Variants in DPF3 observed in about 807,000 individuals in gnomAD.
DPF3 encodes double PHD fingers 3, also known as zinc finger protein DPF3.
DPF3 carries 18 observed loss-of-function variants against 56.8 expected under a neutral mutation model. The observed-to-expected ratio is 0.32, with a 90% confidence interval of 0.22 to 0.47. The LOEUF (loss-of-function observed/expected upper bound fraction) is 0.47, where lower values mean the gene tolerates loss of function less well. Among genes scored for constraint, DPF3 ranks in the 20% least tolerant of loss-of-function variants. The pLI is 1.00. For missense variants in DPF3, 403 were observed against 488.8 expected (o/e 0.82, Z 1.65); for synonymous variants, 188 against 180.2 (o/e 1.04, Z -0.35).
At chr14:72,784,644 C>T (rs1483264968) in intron 1 of DPF3, among the ~76,000 whole-genome samples, 2 of 152,164 alleles carry the variant, frequency 1.3e-5, no homozygotes, top group African/African-American at 4.8e-5. Flanking sequence ...GCAAAGCGGT[C>T]AGCCTAAGTC....
intron 1 of DPF3, chr14:72,773,801 C>T (rs12433339): frequency 0.14 from 62,828 of 454,292 alleles, 5,284 homozygotes; most frequent in Middle Eastern, 0.24. Context: ...TCAGAATTTC[C>T]TTCCTTTTTA....
Position 72,866,762 on chromosome 14 carries a change from A to G in DPF3, c.32+27295T>C, listed in dbSNP as rs548884660. The stretch of plus-strand genomic sequence containing the variant: ...TCCCAGCTACTCGGGAGGCTGAGAC[A>G]GGAGAATCGCTTGAACCCAGGAGGT... On this transcript the variant is annotated intron_variant, in intron 1 of 10. Transcript: ENST00000556509. Among the ~76,000 whole-genome samples the G allele has an allele frequency of 1.3e-5, 2 of 150,768 alleles. 1 individual carries two copies. The highest frequency in any genetic ancestry group is 4.9e-5 in the African/African-American group (2 of 41,136).
intron 6 of DPF3, among the ~76,000 whole-genome samples, chr14:72,698,560 A>G (rs1429531075): frequency 2.0e-5 from 3 of 152,154 alleles, no homozygotes; most frequent in South Asian, 4.1e-4. Context: ...GGTGGTGCGC[A>G]CCTATAGTCC....
intron 1 of DPF3, among the ~76,000 whole-genome samples, chr14:72,801,392 C>T (rs1184587686): frequency 6.6e-6 from 1 of 152,220 alleles, no homozygotes; most frequent in African/African-American, 2.4e-5. Flanking sequence ...AGACCAGAGT[C>T]CGAGCCAGGA....
chr14:72,729,494 C>T (rs565856199), intron 4 of DPF3, among the ~76,000 whole-genome samples: 166 of 152,038 alleles, frequency 1.1e-3, no homozygotes, highest in Non-Finnish European at 1.5e-3. Flanking sequence ...ATAGCAGGGG[C>T]GGTAGCGGGT....
chr14:72,863,555 TAAA>T (rs76280301), intron 1 of DPF3, among the ~76,000 whole-genome samples: 1 of 104,322 alleles, frequency 9.6e-6, no homozygotes, highest in Admixed American at 9.9e-5. Flanking sequence ...TGTAGGATTC[TAAA>T]AAAAAAAAAA....
intron 7 of DPF3, among the ~76,000 whole-genome samples, chr14:72,687,138 C>G (rs1456323380): frequency 6.6e-6 from 1 of 152,186 alleles, no homozygotes; most frequent in African/African-American, 2.4e-5. Context: ...AACATGCCCT[C>G]CAAAGGCGTG....
At chr14:72,700,466 T>C (rs372939576) in intron 6 of DPF3, among the ~76,000 whole-genome samples, 1 of 152,074 alleles carries the variant, frequency 6.6e-6, no homozygotes. Flanking sequence ...TTACTCCAAA[T>C]AGCTGACCTG....
intron 8 of DPF3, among the ~76,000 whole-genome samples, chr14:72,663,242 A>G (rs1167493533): frequency 6.6e-6 from 1 of 152,098 alleles, no homozygotes; most frequent in African/African-American, 2.4e-5. Context: ...AACACCCCAG[A>G]AAGGACCTTT....
intron 1 of DPF3, among the ~76,000 whole-genome samples, chr14:72,844,133 T>C (rs556427915): frequency 6.9e-4 from 105 of 152,294 alleles, no homozygotes; most frequent in South Asian, 2.1e-3. Context: ...TACTGAGATA[T>C]ATAAAACACG....
chr14:72,686,391 T>C (rs562954894), intron 7 of DPF3, among the ~76,000 whole-genome samples: 16 of 152,308 alleles, frequency 1.1e-4, no homozygotes, highest in South Asian at 2.1e-4. Context: ...AGCAATCCCA[T>C]GAAGTCAGGA....
At chr14:72,727,760 C>T (rs1485730287) in intron 4 of DPF3, among the ~76,000 whole-genome samples, 1 of 152,112 alleles carries the variant, frequency 6.6e-6, no homozygotes, top group Non-Finnish European at 1.5e-5. Flanking sequence ...CTCTGTGTCC[C>T]TAGCACCCAG....
rs187691996 is a variant in DPF3 at position 72,881,950 on chromosome 14, G to T, written c.32+12107C>A. ...AAAATGATGAGCTGGGTAAGTGAAG[G>T]GGGGGAAGATAAGGATGAAGAGGTA... On this transcript the variant is annotated intron_variant, in intron 1 of 10. Transcript: ENST00000556509. 7.3e-5 allele frequency among the ~76,000 whole-genome samples: 9 copies of T among 122,758 alleles called. No individual in the cohort carries two copies. The East Asian group carries it at 1.8e-3, about 25-fold the overall frequency. The allele number at this position is 122,758 out of a possible 152,430, so 80.5% of individuals were successfully genotyped here.
intron 1 of DPF3, among the ~76,000 whole-genome samples, chr14:72,881,151 G>C (rs1033908354): frequency 3.3e-5 from 5 of 152,222 alleles, no homozygotes; most frequent in African/African-American, 1.2e-4. Context: ...ACTATGGAAG[G>C]CTGGGGTGAG....
chr14:72,838,731 T>C (rs1391734023), intron 1 of DPF3, among the ~76,000 whole-genome samples: 1 of 141,644 alleles, frequency 7.1e-6, no homozygotes, highest in East Asian at 2.1e-4. Context: ...CACTTCATCC[T>C]GGATGACAGA....
intron 1 of DPF3, among the ~76,000 whole-genome samples, chr14:72,788,165 C>G (rs1035292818): frequency 6.6e-6 from 1 of 152,144 alleles, no homozygotes; most frequent in Non-Finnish European, 1.5e-5. Context: ...CTGGAACAAG[C>G]GAAGCTCAAG....
chr14:72,691,038 G>C (rs1444849192), intron 7 of DPF3, among the ~76,000 whole-genome samples: 2 of 152,160 alleles, frequency 1.3e-5, no homozygotes, highest in East Asian at 3.9e-4. Flanking sequence ...CTTTTTGAAA[G>C]ACAAGGGTGA....
intron 8 of DPF3, among the ~76,000 whole-genome samples, chr14:72,648,163 A>G (rs182570710): frequency 6.6e-6 from 1 of 152,350 alleles, no homozygotes. Context: ...GTATTTCACT[A>G]GTCGAATTAT....
chr14:72,619,897 C>T lies in DPF3; in HGVS notation c.1066+6G>A, dbSNP rs1483978170. 6.5e-7 allele frequency: 1 copy of T among 1,529,286 alleles called. No homozygotes were observed. Among genetic ancestry groups the T allele is most frequent in the South Asian group, 1.2e-5 (1 of 82,618 alleles). 94.7% of individuals were successfully genotyped at this position (1,529,286 alleles called of 1,614,324 possible). A position where few individuals can be genotyped will look rare whatever the true frequency, so the allele number is the denominator to read the frequency against. ...CTGTTCTTATTGTTGACTTCATCAT[C>T]ATTACCTTCTGGGGGCTCAGCCACC... is the stretch of plus-strand genomic sequence containing the variant. On this transcript the variant is annotated splice_donor_region_variant and intron_variant, in intron 10 of 10. Transcript: ENST00000556509.
Sources: allele counts gnomAD v4.1 joint callset (sites outside exome capture counted in the v4.1 genomes callset), GRCh38; gene constraint gnomAD v4.1.1; transcripts MANE v1.5; gene names NCBI Gene and HGNC (gene_info 2026-07-23, HGNC 2026-07-21).